Variants in ATP2A2 observed in about 807,000 individuals in gnomAD.
ATP2A2 encodes the protein sarcoplasmic/endoplasmic reticulum calcium ATPase 2.
A neutral mutation model predicts 109.3 loss-of-function variants in ATP2A2; 14 were observed. The observed-to-expected ratio is 0.13, with a 90% CI of 0.08 to 0.20. The LOEUF (loss-of-function observed/expected upper bound fraction) is 0.20. Ranked by LOEUF, ATP2A2 falls within the 10% of genes least tolerant of loss-of-function variation. ATP2A2 has a pLI of 1.00. For missense variants in ATP2A2, 657 were observed against 1,321.6 expected (o/e 0.50, Z 7.80); for synonymous variants, 506 against 490.9 (o/e 1.03, Z -0.41).
intron 6 of ATP2A2, among the ~76,000 whole-genome samples, chr12:110,323,921 A>G (rs982997860): frequency 2.6e-5 from 4 of 152,214 alleles, no homozygotes; most frequent in Non-Finnish European, 5.9e-5. Flanking sequence ...CCAGTGCTGT[A>G]ATTTTTTTCA....
At chr12:110,302,128 G>T (rs928667049) in intron 5 of ATP2A2, among the ~76,000 whole-genome samples, 1 of 152,110 alleles carries the variant, frequency 6.6e-6, no homozygotes, top group Admixed American at 6.6e-5. Context: ...TTGTGGTAAA[G>T]TATACATATT....
At position 110,301,461 on chromosome 12, in the gene ATP2A2, A is replaced by AT. The variant is rs368907295; in HGVS notation, c.463+4730dup. On this transcript the variant is annotated intron_variant, in intron 5 of 19. Transcript: ENST00000539276. ...TGTGAGAAACTTGGAAGTCATCTTG[A>AT]TTTTTTCCCCCCTCTTATCCTCTGA... Among the ~76,000 whole-genome samples the AT allele has an allele frequency of 5.6e-3, 846 of 151,980 alleles. 13 individuals are homozygous for AT. The highest frequency in any genetic ancestry group is 0.02 in the African/African-American group (810 of 41,442).
rs1461143579 is a variant in ATP2A2 at position 110,350,302 on chromosome 12, G to A, written c.*3832G>A. 1.2e-6 allele frequency: 2 copies of A among 1,614,060 alleles called. No individual in the cohort carries two copies. The highest frequency in any genetic ancestry group is 1.7e-6 in the Non-Finnish European group (2 of 1,180,046). On this transcript the variant is annotated 3_prime_UTR_variant, in exon 20 of 20. Coordinates refer to ENST00000539276, the MANE Select transcript of ATP2A2 (RefSeq NM_170665.4). The stretch of plus-strand genomic sequence containing the variant: ...CTCTTTCCTTTTCAGCAATACTGGA[G>A]TAACCGCTTCCTAAACCATTTTGCA...
chr12:110,336,669 T>A (rs572039917), intron 11 of ATP2A2, among the ~76,000 whole-genome samples: 1 of 152,212 alleles, frequency 6.6e-6, no homozygotes, highest in African/African-American at 2.4e-5. Context: ...TCCTTTATAC[T>A]GTCCTGAGAA....
At chr12:110,338,544 G>GC (rs761584935) in intron 11 of ATP2A2, among the ~76,000 whole-genome samples, 2 of 152,208 alleles carry the variant, frequency 1.3e-5, no homozygotes, top group South Asian at 2.1e-4. Flanking sequence ...TGGAATCTCT[G>GC]CCCCCCTGGC....
chr12:110,329,806 T>C (rs1006494410), intron 8 of ATP2A2: 1 of 152,242 alleles, frequency 6.6e-6, no homozygotes, highest in African/African-American at 2.4e-5. Context: ...AATAATGCAA[T>C]AATTATACAG....
Position 110,342,747 on chromosome 12 carries a change from TTAA to T in ATP2A2, c.2318+304_2318+306del, listed in dbSNP as rs1879475706. ...AAAAGTTGGCTTTATCTCAGTCAGC[TTAA>T]TAATTTTTTTATTTTTATTTATTTT... is the stretch of plus-strand genomic sequence containing the variant. On this transcript the variant is annotated intron_variant, in intron 15 of 19. Coordinates refer to ENST00000539276, the MANE Select transcript of ATP2A2 (RefSeq NM_170665.4). The surrounding 1 kb of genome is among the most constrained non-coding windows in gnomAD (Gnocchi z 4.6). 6.6e-6 allele frequency among the ~76,000 whole-genome samples: 1 copy of T among 152,176 alleles called. No individual in the cohort carries two copies. Among genetic ancestry groups the T allele is most frequent in the Non-Finnish European group, 1.5e-5 (1 of 68,026 alleles).
At chr12:110,296,861 C>T (rs1874015512) in intron 5 of ATP2A2, 124 bp downstream of exon 5, 2 of 1,119,672 alleles carry the variant, frequency 1.8e-6, no homozygotes, top group Non-Finnish European at 1.3e-6. Flanking sequence ...ATTTTATTGC[C>T]ATTCATACAA....
chr12:110,348,557 G>A lies in ATP2A2; in HGVS notation c.*2087G>A, dbSNP rs1003304744. 5 of 985,406 alleles carry A rather than the reference G, an allele frequency of 5.1e-6. No individual in the cohort carries two copies. In the African/African-American group the frequency reaches 8.7e-5, roughly 17 times the overall value. 61.0% of individuals were successfully genotyped at this position (985,406 alleles called of 1,614,324 possible). On this transcript the variant is annotated 3_prime_UTR_variant, in exon 20 of 20. Coordinates refer to ENST00000539276, the MANE Select transcript of ATP2A2 (RefSeq NM_170665.4). ...GTTCAAGGGATGGAGGTGGAACCTG[G>A]AGACCGACTCTTAAAAGCACAGTCC...
intron 11 of ATP2A2, chr12:110,334,400 T>C: frequency 2.0e-6 from 1 of 501,916 alleles, no homozygotes; most frequent in African/African-American, 1.9e-5. Context: ...CATAGTGCTG[T>C]GAACAGTGTT....
Position 110,348,056 on chromosome 12 carries a change from G to A in ATP2A2, c.*1586G>A. 1 of 986,540 alleles carries A rather than the reference G, an allele frequency of 1.0e-6. No individual in the cohort carries two copies. Among genetic ancestry groups the A allele is most frequent in the Non-Finnish European group, 1.2e-6 (1 of 830,740 alleles). 61.1% of individuals were successfully genotyped at this position (986,540 alleles called of 1,614,324 possible). Reference sequence around the variant, plus strand: ...GAGGGCCCAAGCCAGACAAAAGCCGGAGTGGGGAGAGAGGCATTTCAGCCA... The same window carrying A: ...GAGGGCCCAAGCCAGACAAAAGCCGAAGTGGGGAGAGAGGCATTTCAGCCA... On this transcript the variant is annotated 3_prime_UTR_variant, in exon 20 of 20. Coordinates refer to ENST00000539276, the MANE Select transcript of ATP2A2 (RefSeq NM_170665.4).
In ATP2A2 at chr12:110,340,834, A is replaced by T; in HGVS notation, c.1937A>T (p.Asp646Val). 1.2e-6 allele frequency: 2 copies of T among 1,614,228 alleles called. No individual in the cohort carries two copies. Among genetic ancestry groups the T allele is most frequent in the Non-Finnish European group, 1.7e-6 (2 of 1,180,046 alleles). Residue 646 changes from aspartate to valine, a missense_variant, in exon 14 of 20, where the codon GAC becomes GTC. Physicochemically the swap from Asp to Val is radical, Grantham distance 152 (BLOSUM62 -3). Transcript: ENST00000539276. The surrounding 1 kb of genome is among the most constrained non-coding windows in gnomAD (Gnocchi z 6.0). ...ATCGGCATCTTCGGGCAGGATGAGG[A>T]CGTGACGTCAAAAGCTTTCACAGGC... is the stretch of plus-strand genomic sequence containing the variant. Reference protein sequence around the residue: ...RRIGIFGQDEDVTSKAFTGRE... With the variant: ...RRIGIFGQDEVVTSKAFTGRE...
intron 5 of ATP2A2, among the ~76,000 whole-genome samples, chr12:110,310,003 G>C (rs746203471): frequency 3.3e-4 from 50 of 152,170 alleles, no homozygotes; most frequent in Non-Finnish European, 7.2e-4. Context: ...TATTTCTCCG[G>C]ATGGATGGAA....
intron 3 of ATP2A2, among the ~76,000 whole-genome samples, chr12:110,284,308 A>G (rs1872453512): frequency 6.6e-6 from 1 of 152,262 alleles, no homozygotes; most frequent in South Asian, 2.1e-4. Flanking sequence ...TAAGATTTGT[A>G]TTTAACTGGG....
In ATP2A2 at chr12:110,348,575, C is replaced by G. The variant is rs1880103012; in HGVS notation, c.*2105C>G. On this transcript the variant is annotated 3_prime_UTR_variant, in exon 20 of 20. Coordinates refer to ENST00000539276, the MANE Select transcript of ATP2A2 (RefSeq NM_170665.4). Reference sequence around the variant, plus strand: ...GAACCTGGAGACCGACTCTTAAAAGCACAGTCCGTGGTTGGGTGTGGTGGC... The same window carrying G: ...GAACCTGGAGACCGACTCTTAAAAGGACAGTCCGTGGTTGGGTGTGGTGGC... 1.0e-6 allele frequency: 1 copy of G among 985,360 alleles called. No individual in the cohort carries two copies. The highest frequency in any genetic ancestry group is 1.7e-5 in the African/African-American group (1 of 57,202). 61.0% of individuals were successfully genotyped at this position (985,360 alleles called of 1,614,324 possible).
chr12:110,309,754 A>G (rs1290623909), intron 5 of ATP2A2, among the ~76,000 whole-genome samples: 3 of 152,156 alleles, frequency 2.0e-5, no homozygotes, highest in East Asian at 3.9e-4. Flanking sequence ...AAAAATACAA[A>G]AATTAGCTAG....
In ATP2A2 at chr12:110,347,415, G is replaced by A; in HGVS notation, c.*945G>A. The A allele has an allele frequency of 3.9e-6, 5 of 1,289,086 alleles. No individual in the cohort carries two copies. The highest frequency in any genetic ancestry group is 5.1e-6 in the Non-Finnish European group (5 of 988,680). 79.9% of individuals were successfully genotyped at this position (1,289,086 alleles called of 1,614,324 possible). Reference sequence around the variant, plus strand: ...CAGTTCTTAGCTCAGAACTTTAGTTGTACTCTGCTTGAGGGGAAGAAGGCT... The same window carrying A: ...CAGTTCTTAGCTCAGAACTTTAGTTATACTCTGCTTGAGGGGAAGAAGGCT... On this transcript the variant is annotated 3_prime_UTR_variant, in exon 20 of 20. Transcript: ENST00000539276.
chr12:110,304,025 T>C (rs1403633247), intron 5 of ATP2A2, among the ~76,000 whole-genome samples: 1 of 152,210 alleles, frequency 6.6e-6, no homozygotes, highest in Non-Finnish European at 1.5e-5. Context: ...CCACAGTTTA[T>C]TATCTGTTTT....
intron 4 of ATP2A2, among the ~76,000 whole-genome samples, chr12:110,293,555 C>T (rs1031317100): frequency 6.6e-6 from 1 of 151,296 alleles, no homozygotes; most frequent in African/African-American, 2.4e-5. Flanking sequence ...CCACCATGCC[C>T]AGCTAACTTA....
Sources: allele counts gnomAD v4.1 joint callset (sites outside exome capture counted in the v4.1 genomes callset), GRCh38; gene constraint gnomAD v4.1.1; non-coding constraint Gnocchi (gnomAD v3.1); transcripts MANE v1.5; gene names NCBI Gene and HGNC (gene_info 2026-07-23, HGNC 2026-07-21).